MPC2: variants seen among roughly 807,000 people sequenced by gnomAD.
The protein encoded by MPC2 is mitochondrial pyruvate carrier 2.
A neutral mutation model predicts 19.2 loss-of-function variants in MPC2; 19 were observed. That is an observed-to-expected ratio of 0.99 (90% CI 0.69 to 1.45). The LOEUF is 1.45. Ranked by LOEUF, MPC2 falls within the 40% of genes most tolerant of loss-of-function variation. The probability of loss-of-function intolerance (pLI) is 0.00; values close to 1 mark genes in which losing one functional copy is unlikely to be tolerated. For missense variants in MPC2, 122 were observed against 153.0 expected (o/e 0.80, Z 1.07); for synonymous variants, 61 against 54.3 (o/e 1.12, Z -0.54).
chr1:167,918,595 T>C (rs911595426), intron 5 of MPC2, among the ~76,000 whole-genome samples: 3 of 54,550 alleles, frequency 5.5e-5, no homozygotes, highest in Admixed American at 3.0e-4. Context: ...TGCCAAAAAC[T>C]TTTTTTTTTT....
intron 2 of MPC2, among the ~76,000 whole-genome samples, chr1:167,929,499 A>G (rs1670848419): frequency 6.6e-6 from 1 of 152,236 alleles, no homozygotes. Flanking sequence ...AACTTTTCAT[A>G]GAATTTGAGA....
At chr1:167,924,081 G>A (rs987056028) in intron 3 of MPC2, among the ~76,000 whole-genome samples, 7 of 152,102 alleles carry the variant, frequency 4.6e-5, no homozygotes, top group African/African-American at 1.4e-4. Flanking sequence ...ATTTATATTC[G>A]AATAAATCCA....
At chr1:167,931,224 G>A (rs1184530148) in intron 2 of MPC2, among the ~76,000 whole-genome samples, 1 of 152,158 alleles carries the variant, frequency 6.6e-6, no homozygotes, top group African/African-American at 2.4e-5. Context: ...GAGCTACCGC[G>A]CCCAGCTGAT....
intron 4 of MPC2, 63 bp from the exon 5 acceptor site, chr1:167,920,153 T>G: frequency 9.9e-7 from 1 of 1,007,822 alleles, no homozygotes; most frequent in Non-Finnish European, 1.5e-6. Flanking sequence ...CAGTGAATAC[T>G]TAATATTGAG....
At position 167,924,490 on chromosome 1, in the gene MPC2, G is replaced by C. The variant is rs1670682809; in HGVS notation, c.150+7C>G. The C allele has an allele frequency of 6.3e-7, 1 of 1,586,864 alleles. No homozygotes were observed. Among genetic ancestry groups the C allele is most frequent in the Non-Finnish European group, 8.6e-7 (1 of 1,168,238 alleles). ...TTCAGTAGCTTCCGTAAAAACTCAA[G>C]ACTTACCCATTTCATAATTGGAGCC... On this transcript the variant is annotated splice_region_variant and intron_variant, in intron 3 of 5. Coordinates refer to ENST00000271373, the MANE Select transcript of MPC2 (RefSeq NM_001143674.4).
At chr1:167,934,233 A>G (rs1670993442) in intron 2 of MPC2, among the ~76,000 whole-genome samples, 1 of 152,220 alleles carries the variant, frequency 6.6e-6, no homozygotes. Context: ...GGATCAAGGT[A>G]AGACTACCCT....
At chr1:167,927,742 A>G in intron 2 of MPC2, among the ~76,000 whole-genome samples, 1 of 152,224 alleles carries the variant, frequency 6.6e-6, no homozygotes, top group East Asian at 1.9e-4. Context: ...GCCTAGAGCT[A>G]GGTAATAGTT....
intron 3 of MPC2, among the ~76,000 whole-genome samples, chr1:167,921,721 T>C (rs947794334): frequency 1.3e-5 from 2 of 149,688 alleles, no homozygotes; most frequent in Non-Finnish European, 3.0e-5. Context: ...TAATAAATTG[T>C]TTTTTTTTAA....
intron 1 of MPC2, 146 bp downstream of exon 1, chr1:167,936,793 C>T: frequency 1.1e-6 from 1 of 896,456 alleles, no homozygotes; most frequent in South Asian, 1.6e-5. Flanking sequence ...AACGCTGCGC[C>T]CTGGAGGCCC....
At chr1:167,934,294 C>A (rs928005797) in intron 2 of MPC2, among the ~76,000 whole-genome samples, 12 of 152,130 alleles carry the variant, frequency 7.9e-5, no homozygotes, top group African/African-American at 2.9e-4. Context: ...CTCTGTCATG[C>A]CCTTATCCTA....
intron 4 of MPC2, 39 bp downstream of exon 4, chr1:167,920,508 T>C: frequency 1.3e-6 from 2 of 1,596,018 alleles, no homozygotes; most frequent in Non-Finnish European, 1.7e-6. Flanking sequence ...AAATCATTTA[T>C]GTTCTACAAG....
Position 167,925,478 on chromosome 1 carries a change from T to C in MPC2, c.110-941A>G, listed in dbSNP as rs866234906. Among the ~76,000 whole-genome samples the C allele has an allele frequency of 5.4e-3, 662 of 122,548 alleles. 1 individual carries two copies. The highest frequency in any genetic ancestry group is 0.01 in the African/African-American group (299 of 29,370). The allele number at this position is 122,548 out of a possible 152,430, so 80.4% of individuals were successfully genotyped here. On this transcript the variant is annotated intron_variant, in intron 2 of 5. Transcript: ENST00000271373. ...ATATATATATATATATATATATACA[T>C]ATACATATACACACACATATATATA...
intron 3 of MPC2, among the ~76,000 whole-genome samples, chr1:167,924,163 T>G (rs763732872): frequency 3.9e-5 from 6 of 152,182 alleles, no homozygotes; most frequent in Non-Finnish European, 8.8e-5. Context: ...ACTAAATTAA[T>G]AATAAAAGTT....
At chr1:167,933,864 T>A (rs562335158) in intron 2 of MPC2, among the ~76,000 whole-genome samples, 2 of 152,338 alleles carry the variant, frequency 1.3e-5, no homozygotes, top group Non-Finnish European at 2.9e-5. Context: ...ATTTTAGAAC[T>A]GACAGTTATT....
chr1:167,921,105 G>C (rs372127812), intron 3 of MPC2, among the ~76,000 whole-genome samples: 3 of 152,068 alleles, frequency 2.0e-5, no homozygotes, highest in African/African-American at 7.2e-5. Flanking sequence ...TTTTAGATTT[G>C]GGGTATATGT....
In MPC2 at chr1:167,921,071, T is replaced by C. The variant is rs554573098; in HGVS notation, c.151-440A>G. Among the ~76,000 whole-genome samples the C allele has an allele frequency of 6.6e-5, 10 of 152,312 alleles. No homozygotes were observed. The South Asian group carries it at 2.1e-3, about 32-fold the overall frequency. On this transcript the variant is annotated intron_variant, in intron 3 of 5. Transcript: ENST00000271373. The stretch of plus-strand genomic sequence containing the variant: ...CTTCCTTTGATGTTTTCTGCCAATG[T>C]TATCATTTTTAAATTAAATTAAATT...
intron 2 of MPC2, 82 bp downstream of exon 2, chr1:167,935,651 G>C: frequency 1.7e-6 from 2 of 1,181,018 alleles, no homozygotes; most frequent in Non-Finnish European, 2.5e-6. Context: ...TCTAGAGGCA[G>C]TTGTCAGAGG....
intron 2 of MPC2, among the ~76,000 whole-genome samples, chr1:167,930,170 C>T (rs1435090522): frequency 2.0e-5 from 3 of 152,110 alleles, no homozygotes; most frequent in Non-Finnish European, 4.4e-5. Flanking sequence ...ATAGCTATCA[C>T]TAAAATAGTA....
chr1:167,919,965 T>A lies in MPC2; in HGVS notation c.347+14A>T, dbSNP rs370288807. The stretch of plus-strand genomic sequence containing the variant: ...CTTTTGCAACAGTTTTAAAAATATC[T>A]CTGGTAGGCTTACCTCCAAATACGA... On this transcript the variant is annotated intron_variant, in intron 5 of 5. Coordinates refer to ENST00000271373, the MANE Select transcript of MPC2 (RefSeq NM_001143674.4). 6.3e-7 allele frequency: 1 copy of A among 1,576,870 alleles called. No individual in the cohort carries two copies. The highest frequency in any genetic ancestry group is 8.6e-7 in the Non-Finnish European group (1 of 1,160,136).
Sources: allele counts gnomAD v4.1 joint callset (sites outside exome capture counted in the v4.1 genomes callset), GRCh38; gene constraint gnomAD v4.1.1; transcripts MANE v1.5; gene names NCBI Gene and HGNC (gene_info 2026-07-23, HGNC 2026-07-21).